Variants in LAT2 observed in about 807,000 individuals in gnomAD.
LAT2 encodes the protein linker for activation of T-cells family member 2.
In LAT2, 23 loss-of-function variants were observed where a neutral mutation model predicts 43.4. That is an observed-to-expected ratio of 0.53 (90% CI 0.38 to 0.75). The LOEUF (loss-of-function observed/expected upper bound fraction) is 0.75, where lower values mean the gene tolerates loss of function less well. LAT2 is among the 30% of genes least tolerant of loss of function. The pLI, the probability that LAT2 is intolerant of heterozygous loss-of-function variation, is 0.00. For synonymous variants in LAT2, 128 were observed against 123.2 expected, an observed-to-expected ratio of 1.04 and a Z score of -0.26; for missense variants, 284 against 310.2, an observed-to-expected ratio of 0.92 and a Z score of 0.64.
chr7:74,211,553 G>A (rs570039314), intron 1 of LAT2, among the ~76,000 whole-genome samples: 1 of 152,058 alleles, frequency 6.6e-6, no homozygotes, highest in Admixed American at 6.6e-5. Flanking sequence ...CACCTCCCGG[G>A]TACATGCCAT....
At chr7:74,227,901 C>A (rs968198968) in intron 13 of LAT2, among the ~76,000 whole-genome samples, 1 of 151,772 alleles carries the variant, frequency 6.6e-6, no homozygotes, top group East Asian at 1.9e-4. Context: ...AGAGGCCAGG[C>A]GCAGTGGCTC....
rs782202594 is a variant in LAT2, at chr7:74,223,736, A to G, written c.401A>G (p.Asn134Ser). The part of the protein sequence containing the change: ...FSKPPEDDDA[N>S]SYENVLICKQ... ...CTCTCTCCTGCAGATGATGATGCCA[A>G]TTCCTACGAGAATGTGCTCATTTGC... The change falls in exon 11 of 14, where the codon AAT (asparagine) becomes AGT (serine). Residue 134 changes from asparagine to serine, a missense_variant. By Grantham distance (46) the Asn-to-Ser change is conservative (BLOSUM62 1). Coordinates refer to ENST00000460943, the MANE Select transcript of LAT2 (RefSeq NM_032464.3). 4 of 1,613,816 alleles carry G rather than the reference A, an allele frequency of 2.5e-6. No homozygotes were observed. Among genetic ancestry groups the G allele is most frequent in the East Asian group, 2.2e-5 (1 of 44,846 alleles).
At chr7:74,224,229 C>T in intron 12 of LAT2, 32 bp downstream of exon 12, 2 of 1,603,948 alleles carry the variant, frequency 1.2e-6, no homozygotes, top group Non-Finnish European at 8.5e-7. Context: ...CAGGGTGGTC[C>T]ACTTAGGGCA....
Position 74,221,706 on chromosome 7 carries a change from C to G in LAT2, c.388+14C>G. On this transcript the variant is annotated intron_variant, in intron 10 of 13. Coordinates refer to ENST00000460943, the MANE Select transcript of LAT2 (RefSeq NM_032464.3). ...AGCCCCCAGAAGGTGAGGCGAAGGA[C>G]AAAGCCGGAGGTGGAGGAAGTGGTG... 1 of 1,607,536 alleles carries G rather than the reference C, an allele frequency of 6.2e-7. No individual in the cohort carries two copies. Among genetic ancestry groups the G allele is most frequent in the African/African-American group, 1.4e-5 (1 of 72,882 alleles).
intron 5 of LAT2, 26 bp downstream of exon 5, chr7:74,219,813 G>A (rs782646367): frequency 1.1e-5 from 18 of 1,613,778 alleles, no homozygotes; most frequent in Middle Eastern, 3.3e-4. Flanking sequence ...TCCCCGGGTT[G>A]GGCTCTGGGT....
intron 1 of LAT2, among the ~76,000 whole-genome samples, chr7:74,212,905 A>G (rs1365968970): frequency 6.6e-6 from 1 of 152,100 alleles, no homozygotes; most frequent in Non-Finnish European, 1.5e-5. Context: ...TTTTGGGGAG[A>G]GGCCTGGTGG....
At chr7:74,213,506 C>A (rs1335264697) in intron 1 of LAT2, among the ~76,000 whole-genome samples, 1 of 149,662 alleles carries the variant, frequency 6.7e-6, no homozygotes, top group South Asian at 2.1e-4. Flanking sequence ...CCCACTGCAA[C>A]CTCCACCTCC....
Position 74,219,733 on chromosome 7 carries a change from T to C in LAT2, c.135-11T>C, listed in dbSNP as rs782336363. ...CCAGGCCCAGGCTCAGCACAGCCCA[T>C]GCATTTCCAGGCGTGAGGACCAACA... is the stretch of plus-strand genomic sequence containing the variant. On this transcript the variant is annotated splice_polypyrimidine_tract_variant and intron_variant, in intron 4 of 13. Coordinates refer to ENST00000460943, the MANE Select transcript of LAT2 (RefSeq NM_032464.3). The C allele has an allele frequency of 8.7e-6, 14 of 1,613,994 alleles. No homozygotes were observed. Among genetic ancestry groups the C allele is most frequent in the African/African-American group, 5.3e-5 (4 of 74,946 alleles).
intron 1 of LAT2, among the ~76,000 whole-genome samples, chr7:74,214,333 A>AATATATATATGAAAATATATATAT (rs1801891374): frequency 1.5e-4 from 5 of 33,574 alleles, no homozygotes; most frequent in Admixed American, 5.5e-4. Context: ...TATATATATA[A>AATATATATATGAAAATATATATAT]ATATATATAT....
In LAT2 at chr7:74,220,450, C is replaced by G; in HGVS notation, c.266-134C>G. The G allele has an allele frequency of 7.8e-7, 1 of 1,274,504 alleles. No homozygotes were observed. 78.9% of individuals were successfully genotyped at this position (1,274,504 alleles called of 1,614,324 possible). ...GGGGAGGGTGCACACTCGCACATGC[C>G]CCACTGAGGGGACAGGGAGCACTGC... On this transcript the variant is annotated intron_variant, in intron 7 of 13. Transcript: ENST00000460943. This position sits in a 1 kb window ranked among gnomAD's most constrained non-coding sequence, Gnocchi z 4.5.
intron 9 of LAT2, 105 bp from the exon 10 acceptor site, chr7:74,221,532 G>T: frequency 2.8e-6 from 2 of 722,008 alleles, no homozygotes; most frequent in Non-Finnish European, 2.3e-6. Flanking sequence ...GCCCCCAAGA[G>T]GAGCAATGGT....
chr7:74,223,147 C>T lies in LAT2; in HGVS notation c.389-577C>T, dbSNP rs186359940. On this transcript the variant is annotated intron_variant, in intron 10 of 13. Coordinates refer to ENST00000460943, the MANE Select transcript of LAT2 (RefSeq NM_032464.3). ...GCCTCCCTCCCTCTCTCCAGCCACC[C>T]GGCATGGGCCTGAATTGCAGCCCCC... Among the ~76,000 whole-genome samples the T allele has an allele frequency of 6.7e-3, 1,013 of 152,294 alleles. 6 individuals carry two copies. The highest frequency in any genetic ancestry group is 0.016 in the South Asian group (77 of 4,822).
At chr7:74,213,689 C>G (rs1801820288) in intron 1 of LAT2, among the ~76,000 whole-genome samples, 1 of 152,086 alleles carries the variant, frequency 6.6e-6, no homozygotes, top group African/African-American at 2.4e-5. Flanking sequence ...TCCCAAAGTG[C>G]TGGGATTACA....
At position 74,220,296 on chromosome 7, in the gene LAT2, C is replaced by T; in HGVS notation, c.265+42C>T. On this transcript the variant is annotated intron_variant, in intron 7 of 13. Transcript: ENST00000460943. The surrounding 1 kb of genome is among the most constrained non-coding windows in gnomAD (Gnocchi z 4.5). ...AGGGACAGGGACAGGCCTAGCCAAG[C>T]TGGGACTAAGACAGGCGAAAACCCC... is the stretch of plus-strand genomic sequence containing the variant. The T allele has an allele frequency of 6.3e-7, 1 of 1,591,054 alleles. No homozygotes were observed. Among genetic ancestry groups the T allele is most frequent in the South Asian group, 1.1e-5 (1 of 88,756 alleles).
chr7:74,210,738 A>T (rs181565078), intron 1 of LAT2, among the ~76,000 whole-genome samples: 7 of 152,324 alleles, frequency 4.6e-5, no homozygotes, highest in Admixed American at 3.9e-4. Flanking sequence ...ATTTGAAGTC[A>T]GGAGCTGGAG....
intron 4 of LAT2, among the ~76,000 whole-genome samples, chr7:74,218,953 CTCCCAAA>C (rs1181642250): frequency 4.6e-5 from 7 of 150,698 alleles, no homozygotes; most frequent in African/African-American, 1.7e-4. Flanking sequence ...CTGCCTTGGC[CTCCCAAA>C]GCCCTGGGAT....
chr7:74,218,537 A>T (rs1802128496), intron 4 of LAT2, among the ~76,000 whole-genome samples: 1 of 152,180 alleles, frequency 6.6e-6, no homozygotes, highest in Admixed American at 6.5e-5. Context: ...GCAGGAAGAA[A>T]GAATGAACAA....
chr7:74,224,924 G>A (rs1802432734), intron 13 of LAT2, 164 bp downstream of exon 13: 2 of 545,734 alleles, frequency 3.7e-6, no homozygotes, highest in Admixed American at 3.3e-5. Flanking sequence ...TGGCGACTCT[G>A]TTCCTCTGTT....
At chr7:74,223,665 T>G in intron 10 of LAT2, 59 bp from the exon 11 acceptor site, 5 of 1,503,430 alleles carry the variant, frequency 3.3e-6, no homozygotes, top group Non-Finnish European at 4.6e-6. Context: ...AGCGGGAGGA[T>G]GAGCCAGGCT....
Sources: gnomAD v4.1 joint callset for allele counts (sites outside exome capture counted in the v4.1 genomes callset) on GRCh38, gnomAD v4.1.1 for gene constraint, Gnocchi (gnomAD v3.1) non-coding constraint, MANE v1.5 for transcripts, NCBI Gene and HGNC (gene_info 2026-07-23, HGNC 2026-07-21) for gene names.